The following DPP10 variants were observed in gnomAD, a reference collection of about 807,000 sequenced individuals.
DPP10 encodes dipeptidyl peptidase like 10, also known as inactive dipeptidyl peptidase 10.
In DPP10, 33 loss-of-function variants were observed where a neutral mutation model predicts 120.9. That is an observed-to-expected ratio of 0.27 (90% CI 0.21 to 0.37). The LOEUF is 0.37. DPP10 is among the 10% of genes least tolerant of loss of function. The pLI is 1.00. For missense variants in DPP10, 816 were observed against 942.8 expected (o/e 0.87, Z 1.76); for synonymous variants, 337 against 326.1 (o/e 1.03, Z -0.36).
chr2:115,072,188 A>T (rs1326137822), intron 1 of DPP10, among the ~76,000 whole-genome samples: 1 of 152,308 alleles, frequency 6.6e-6, no homozygotes, highest in East Asian at 1.9e-4. Flanking sequence ...TAAAAAGCAC[A>T]TATATCACCT....
intron 1 of DPP10, among the ~76,000 whole-genome samples, chr2:115,141,932 C>T: frequency 6.6e-6 from 1 of 152,044 alleles, no homozygotes; most frequent in South Asian, 2.1e-4. Context: ...CGCCACTATG[C>T]CTGCCTAATT....
At chr2:115,226,793 A>G (rs993013033) in intron 1 of DPP10, among the ~76,000 whole-genome samples, 3 of 152,146 alleles carry the variant, frequency 2.0e-5, no homozygotes, top group Admixed American at 6.6e-5. Context: ...TTTCAGAGCA[A>G]AGTTTCTTGT....
At chr2:115,111,646 G>T (rs1412231353) in intron 1 of DPP10, among the ~76,000 whole-genome samples, 5 of 152,114 alleles carry the variant, frequency 3.3e-5, no homozygotes, top group African/African-American at 1.2e-4. Context: ...GAACTCAGCT[G>T]CAAACTTTCA....
intron 4 of DPP10, among the ~76,000 whole-genome samples, chr2:115,518,801 A>G (rs563452690): frequency 6.6e-6 from 1 of 152,282 alleles, no homozygotes; most frequent in South Asian, 2.1e-4. Context: ...GTATAAGGCC[A>G]TGGTGAGGAA....
intron 5 of DPP10, among the ~76,000 whole-genome samples, chr2:115,536,223 A>C (rs1341669469): frequency 6.6e-6 from 1 of 152,018 alleles, no homozygotes; most frequent in Non-Finnish European, 1.5e-5. Flanking sequence ...TATTGTTATT[A>C]GTATGTAATA....
rs544992627 is a variant in DPP10 at position 114,792,302 on chromosome 2, A to G, written c.60+349464A>G. Reference sequence around the variant, plus strand: ...AATGGCTGATAATGCAGGTGGTAAAATGACTCATTTTATGTTATACATAAG... The same window carrying G: ...AATGGCTGATAATGCAGGTGGTAAAGTGACTCATTTTATGTTATACATAAG... On this transcript the variant is annotated intron_variant, in intron 1 of 25. Transcript: ENST00000410059. Among the ~76,000 whole-genome samples, 3 of 152,328 alleles carry G rather than the reference A, an allele frequency of 2.0e-5. No homozygotes were observed. In the South Asian group the frequency reaches 6.2e-4, roughly 32 times the overall value.
At chr2:114,453,126 C>A (rs1678377663) in intron 1 of DPP10, among the ~76,000 whole-genome samples, 1 of 151,778 alleles carries the variant, frequency 6.6e-6, no homozygotes, top group East Asian at 1.9e-4. Context: ...AGGTAGAAAA[C>A]CAAAAATACA....
intron 1 of DPP10, among the ~76,000 whole-genome samples, chr2:114,720,463 C>A (rs1007251791): frequency 2.0e-5 from 3 of 152,084 alleles, no homozygotes; most frequent in African/African-American, 7.2e-5. Flanking sequence ...TTAAGGTCTT[C>A]AGTTATATTT....
chr2:115,129,771 C>G (rs1205439598), intron 1 of DPP10, among the ~76,000 whole-genome samples: 1 of 152,072 alleles, frequency 6.6e-6, no homozygotes, highest in Non-Finnish European at 1.5e-5. Flanking sequence ...ATAGGCATCC[C>G]CTGAGAGTTT....
chr2:115,800,593 A>G (rs920350406), intron 19 of DPP10, among the ~76,000 whole-genome samples: 1 of 152,054 alleles, frequency 6.6e-6, no homozygotes, highest in Non-Finnish European at 1.5e-5. Context: ...TCTTTAATCC[A>G]TCTTGAATTA....
intron 3 of DPP10, among the ~76,000 whole-genome samples, chr2:115,385,886 A>G (rs538910723): frequency 7.9e-5 from 12 of 152,308 alleles, no homozygotes; most frequent in African/African-American, 2.9e-4. Flanking sequence ...ACTCCTACAT[A>G]AGGTATGATA....
intron 1 of DPP10, among the ~76,000 whole-genome samples, chr2:114,888,171 A>G (rs942313182): frequency 6.6e-6 from 1 of 151,858 alleles, no homozygotes; most frequent in Non-Finnish European, 1.5e-5. Context: ...GAAAAGAAAA[A>G]GAAAATGAGT....
intron 3 of DPP10, among the ~76,000 whole-genome samples, chr2:115,495,960 C>G (rs1292095379): frequency 1.3e-5 from 2 of 152,084 alleles, no homozygotes; most frequent in Non-Finnish European, 2.9e-5. Flanking sequence ...TGTTAATGCA[C>G]TTAAGTCATT....
intron 3 of DPP10, among the ~76,000 whole-genome samples, chr2:115,345,438 T>C (rs927469647): frequency 1.3e-5 from 2 of 152,192 alleles, no homozygotes; most frequent in African/African-American, 4.8e-5. Context: ...ATTATAATTA[T>C]GACAATCACC....
intron 1 of DPP10, among the ~76,000 whole-genome samples, chr2:114,811,853 C>G (rs1685201312): frequency 6.6e-6 from 1 of 152,192 alleles, no homozygotes; most frequent in Admixed American, 6.5e-5. Context: ...CTTTTTTGGA[C>G]TCACATGAGT....
At chr2:115,393,493 G>A (rs2067462948) in intron 3 of DPP10, among the ~76,000 whole-genome samples, 1 of 152,126 alleles carries the variant, frequency 6.6e-6, no homozygotes, top group Admixed American at 6.6e-5. Flanking sequence ...AACTGGGATA[G>A]AACCCATGGT....
chr2:115,819,701 A>G (rs1246251806), intron 21 of DPP10, among the ~76,000 whole-genome samples: 1 of 152,146 alleles, frequency 6.6e-6, no homozygotes, highest in East Asian at 1.9e-4. Context: ...TCTTTCAAAT[A>G]CAAGCACTTA....
chr2:114,763,600 G>A (rs1042218418), intron 1 of DPP10, among the ~76,000 whole-genome samples: 5 of 151,802 alleles, frequency 3.3e-5, no homozygotes, highest in South Asian at 2.1e-4. Context: ...GAGACTTCGT[G>A]GTCTATTATA....
intron 1 of DPP10, among the ~76,000 whole-genome samples, chr2:114,823,007 C>T (rs914091746): frequency 2.0e-5 from 3 of 152,186 alleles, no homozygotes; most frequent in Non-Finnish European, 4.4e-5. Context: ...CAAACTGTTC[C>T]ACCCTCTGCC....
Sources: gnomAD v4.1 joint callset for allele counts (sites outside exome capture counted in the v4.1 genomes callset) on GRCh38, gnomAD v4.1.1 for gene constraint, MANE v1.5 for transcripts, NCBI Gene and HGNC (gene_info 2026-07-23, HGNC 2026-07-21) for gene names.